Variants in GALNTL6 observed in about 807,000 individuals in gnomAD.
The protein encoded by GALNTL6 is polypeptide N-acetylgalactosaminyltransferase like 6, also known as polypeptide N-acetylgalactosaminyltransferase-like 6.
A neutral mutation model predicts 73.7 loss-of-function variants in GALNTL6; 46 were observed. The observed-to-expected ratio is 0.62, with a 90% CI of 0.49 to 0.80. The LOEUF (loss-of-function observed/expected upper bound fraction) is 0.80. Among genes scored for constraint, GALNTL6 ranks in the 30% least tolerant of loss-of-function variants. The probability of loss-of-function intolerance (pLI) is 0.00; values close to 1 mark genes in which losing one functional copy is unlikely to be tolerated. For missense variants in GALNTL6, 604 were observed against 755.0 expected (o/e 0.80, Z 2.34); for synonymous variants, 259 against 263.7 (o/e 0.98, Z 0.17).
At chr4:172,133,611 C>T (rs1456129287) in intron 2 of GALNTL6, among the ~76,000 whole-genome samples, 3 of 152,126 alleles carry the variant, frequency 2.0e-5, no homozygotes, top group Non-Finnish European at 4.4e-5. Flanking sequence ...GTGCTGCAGC[C>T]TGATTTGTAT....
intron 8 of GALNTL6, among the ~76,000 whole-genome samples, chr4:172,893,936 C>T (rs913165200): frequency 2.6e-5 from 4 of 152,184 alleles, no homozygotes; most frequent in Non-Finnish European, 5.9e-5. Context: ...AGCTCCTTCA[C>T]TCGCCCCTTC....
intron 3 of GALNTL6, among the ~76,000 whole-genome samples, chr4:172,235,681 G>A (rs1447826198): frequency 6.6e-6 from 1 of 151,978 alleles, no homozygotes. Context: ...ATGTGTGCAG[G>A]TTTGTTATGA....
intron 2 of GALNTL6, among the ~76,000 whole-genome samples, chr4:171,983,140 C>T (rs778634198): frequency 6.6e-6 from 1 of 152,098 alleles, no homozygotes; most frequent in Non-Finnish European, 1.5e-5. Context: ...TAAATAAACC[C>T]GTATAGTTTT....
intron 2 of GALNTL6, among the ~76,000 whole-genome samples, chr4:172,118,171 G>A (rs902695189): frequency 3.3e-5 from 5 of 152,078 alleles, no homozygotes; most frequent in African/African-American, 1.2e-4. Context: ...TAAAAGTTGA[G>A]TGATGAATAC....
chr4:172,035,093 T>C lies in GALNTL6; in HGVS notation c.139-194563T>C, dbSNP rs372822433. On this transcript the variant is annotated intron_variant, in intron 2 of 12. Coordinates refer to ENST00000506823, the MANE Select transcript of GALNTL6 (RefSeq NM_001034845.3). The stretch of plus-strand genomic sequence containing the variant: ...ATTTTTAAGACTTTTAGTGTGTCTA[T>C]GGCATGTCTATGCCTGTCCTTTTTT... Among the ~76,000 whole-genome samples, 11 of 152,266 alleles carry C rather than the reference T, an allele frequency of 7.2e-5. No homozygotes were observed. In the South Asian group the frequency reaches 1.0e-3, roughly 14 times the overall value.
chr4:171,885,895 G>T (rs1656643866), intron 2 of GALNTL6, among the ~76,000 whole-genome samples: 1 of 152,092 alleles, frequency 6.6e-6, no homozygotes, highest in African/African-American at 2.4e-5. Flanking sequence ...CTTCTGAGAA[G>T]TCCTCAGTCA....
intron 5 of GALNTL6, among the ~76,000 whole-genome samples, chr4:172,482,763 T>G (rs563466585): frequency 6.6e-6 from 1 of 152,360 alleles, no homozygotes; most frequent in East Asian, 1.9e-4. Flanking sequence ...ATCATTCATC[T>G]TTTCCACTGA....
chr4:172,704,716 A>T (rs1734222806), intron 5 of GALNTL6, among the ~76,000 whole-genome samples: 1 of 152,044 alleles, frequency 6.6e-6, no homozygotes, highest in African/African-American at 2.4e-5. Context: ...CATTTGGTCT[A>T]GAGTGCAGTT....
At chr4:172,404,084 T>TTC (rs147494252) in intron 5 of GALNTL6, among the ~76,000 whole-genome samples, 3,857 of 151,380 alleles carry the variant, frequency 0.025, 156 homozygotes, top group African/African-American at 0.087. Flanking sequence ...TTATTTCTCT[T>TTC]TCTCTCTCTC....
chr4:171,920,701 G>C (rs115214532), intron 2 of GALNTL6, among the ~76,000 whole-genome samples: 1 of 151,940 alleles, frequency 6.6e-6, no homozygotes, highest in African/African-American at 2.4e-5. Context: ...CTTAATGATC[G>C]ATACAAATAC....
chr4:172,234,212 GT>G (rs1222922571), intron 3 of GALNTL6, among the ~76,000 whole-genome samples: 2 of 151,934 alleles, frequency 1.3e-5, no homozygotes, highest in East Asian at 3.9e-4. Context: ...TTTTAAAAAT[GT>G]TTTTTTCTAT....
intron 5 of GALNTL6, among the ~76,000 whole-genome samples, chr4:172,360,812 T>C (rs1353731735): frequency 6.6e-6 from 1 of 152,168 alleles, no homozygotes; most frequent in Non-Finnish European, 1.5e-5. Context: ...AGAATAGAAA[T>C]GGCTACTTTC....
intron 2 of GALNTL6, among the ~76,000 whole-genome samples, chr4:172,015,862 G>A (rs1741174224): frequency 6.7e-6 from 1 of 149,466 alleles, no homozygotes; most frequent in Non-Finnish European, 1.5e-5. Context: ...CTAAAGATAG[G>A]ACCCCAATCC....
At chr4:172,199,251 G>A (rs933515020) in intron 2 of GALNTL6, among the ~76,000 whole-genome samples, 1 of 152,108 alleles carries the variant, frequency 6.6e-6, no homozygotes, top group African/African-American at 2.4e-5. Context: ...AATAAGAATT[G>A]TGCCTATTTA....
At chr4:171,922,243 G>A (rs532017254) in intron 2 of GALNTL6, among the ~76,000 whole-genome samples, 5 of 152,064 alleles carry the variant, frequency 3.3e-5, no homozygotes, top group Non-Finnish European at 5.9e-5. Context: ...AAGGTAGTTA[G>A]GCTAATACGC....
At chr4:172,591,989 A>C (rs1407881524) in intron 5 of GALNTL6, among the ~76,000 whole-genome samples, 1 of 152,200 alleles carries the variant, frequency 6.6e-6, no homozygotes, top group Non-Finnish European at 1.5e-5. Flanking sequence ...TGATTCTCCA[A>C]GTATGGTCTC....
At chr4:171,874,478 C>T (rs1045780269) in intron 2 of GALNTL6, among the ~76,000 whole-genome samples, 54 of 152,278 alleles carry the variant, frequency 3.5e-4, no homozygotes, top group Admixed American at 1.2e-3. Context: ...GCATGAGGGA[C>T]TGCATCTGGC....
At chr4:172,807,946 C>G (rs1380657666) in intron 5 of GALNTL6, among the ~76,000 whole-genome samples, 1 of 152,152 alleles carries the variant, frequency 6.6e-6, no homozygotes, top group African/African-American at 2.4e-5. Context: ...CCTCAGTCTC[C>G]CAAGTATCTG....
intron 5 of GALNTL6, among the ~76,000 whole-genome samples, chr4:172,593,707 G>T (rs1365414581): frequency 6.6e-6 from 1 of 151,674 alleles, no homozygotes; most frequent in Non-Finnish European, 1.5e-5. Context: ...TTTTGTTGTG[G>T]TGGTGGGTTT....
Sources: gnomAD v4.1 joint callset for allele counts (sites outside exome capture counted in the v4.1 genomes callset) on GRCh38, gnomAD v4.1.1 for gene constraint, MANE v1.5 for transcripts, NCBI Gene and HGNC (gene_info 2026-07-23, HGNC 2026-07-21) for gene names.